Variants in LRRIQ1 observed in about 807,000 individuals in gnomAD.
The protein encoded by LRRIQ1 is leucine-rich repeat- and IQ domain-containing protein 1.
LRRIQ1 carries 210 observed loss-of-function variants against 211.9 expected under a neutral mutation model. That is an observed-to-expected ratio of 0.99 (90% confidence interval 0.89 to 1.11). The LOEUF is 1.11. Among genes scored for constraint, LRRIQ1 ranks in the 50% most tolerant of loss-of-function variants. The pLI is 0.00. For missense variants in LRRIQ1, 2,136 were observed against 1,939.5 expected, an observed-to-expected ratio of 1.10 and a Z score of -1.90; for synonymous variants, 699 against 650.1, an observed-to-expected ratio of 1.08 and a Z score of -1.14.
intron 24 of LRRIQ1, among the ~76,000 whole-genome samples, chr12:85,198,565 T>C (rs1893123965): frequency 7.7e-6 from 1 of 130,546 alleles, no homozygotes; most frequent in Admixed American, 8.1e-5. Flanking sequence ...TGGTTAGTCA[T>C]GTTAAGCATT....
intron 17 of LRRIQ1, among the ~76,000 whole-genome samples, chr12:85,126,107 G>A (rs938974617): frequency 1.3e-5 from 2 of 152,048 alleles, no homozygotes; most frequent in African/African-American, 4.8e-5. Context: ...TTAACCTGTA[G>A]TGCACCCTAC....
chr12:85,246,180 T>A (rs532980707), downstream of LRRIQ1, among the ~76,000 whole-genome samples: 1 of 151,350 alleles, frequency 6.6e-6, no homozygotes, highest in African/African-American at 2.4e-5. Context: ...GAAGTTTTCT[T>A]ACATGATTAT....
chr12:85,269,275 A>G (rs1280026093), downstream of LRRIQ1, among the ~76,000 whole-genome samples: 1 of 151,962 alleles, frequency 6.6e-6, no homozygotes, highest in Non-Finnish European at 1.5e-5. Context: ...GAAAACTGCT[A>G]CGTGATGGTT....
intron 22 of LRRIQ1, 117 bp from the exon 23 acceptor site, chr12:85,153,895 G>T: frequency 2.2e-6 from 2 of 926,162 alleles, no homozygotes; most frequent in Non-Finnish European, 1.6e-6. Flanking sequence ...TTCTTAAATG[G>T]GAATTCACAT....
chr12:85,202,062 G>C (rs1291642130), intron 24 of LRRIQ1, among the ~76,000 whole-genome samples: 1 of 152,016 alleles, frequency 6.6e-6, no homozygotes, highest in East Asian at 1.9e-4. Context: ...TCATTCAGGA[G>C]CAGGTTTCCA....
intron 26 of LRRIQ1, among the ~76,000 whole-genome samples, chr12:85,242,335 C>G (rs1895501261): frequency 6.6e-6 from 1 of 151,488 alleles, no homozygotes; most frequent in African/African-American, 2.4e-5. Context: ...AACAATACAA[C>G]AATAAAAATG....
At chr12:85,102,955 AAAAAAT>A (rs1395632822) in intron 13 of LRRIQ1, among the ~76,000 whole-genome samples, 5 of 119,410 alleles carry the variant, frequency 4.2e-5, no homozygotes, top group African/African-American at 1.4e-4. Context: ...AAAAAAAAAA[AAAAAAT>A]ATATATATAT....
At position 85,127,879 on chromosome 12, in the gene LRRIQ1, G is replaced by T. The variant is rs549621904; in HGVS notation, c.4055G>T (p.Arg1352Leu). The change falls in exon 18 of 27, where the codon CGC (arginine) becomes CTC (leucine). Residue 1352 changes from arginine to leucine, a missense_variant. By Grantham distance (102) the Arg-to-Leu change is moderately radical. Coordinates refer to ENST00000393217, the MANE Select transcript of LRRIQ1 (RefSeq NM_001079910.2). ...IQSYWRGYLMRRQTHFSTRLH... is the reference protein window; with the variant it reads ...IQSYWRGYLMLRQTHFSTRLH... Reference sequence around the variant, plus strand: ...TCATACTGGCGTGGTTACCTCATGCGCAGACAGACTCATTTCTCCACAAGG... The same window carrying T: ...TCATACTGGCGTGGTTACCTCATGCTCAGACAGACTCATTTCTCCACAAGG... 35 of 1,613,818 alleles carry T rather than the reference G, an allele frequency of 2.2e-5. No individual in the cohort carries two copies. In the South Asian group the frequency reaches 3.7e-4, roughly 17 times the overall value.
In LRRIQ1 at chr12:85,104,121, C is replaced by G. The variant is rs529729430; in HGVS notation, c.3283+44C>G. The G allele has an allele frequency of 1.9e-5, 20 of 1,032,536 alleles. No individual in the cohort carries two copies. The East Asian group carries it at 4.1e-4, about 21-fold the overall frequency. The allele number at this position is 1,032,536 out of a possible 1,614,324, so 64.0% of individuals were successfully genotyped here. ...ATATATTTTAATAATAGACTTTTGA[C>G]TTTCTGTTTCAAATATGATAAGGGG... On this transcript the variant is annotated intron_variant, in intron 14 of 26. Transcript: ENST00000393217.
Position 85,206,659 on chromosome 12 carries a change from CTG to C in LRRIQ1, c.4823-22855_4823-22854del, listed in dbSNP as rs555628052. On this transcript the variant is annotated intron_variant, in intron 24 of 26. Coordinates refer to ENST00000393217, the MANE Select transcript of LRRIQ1 (RefSeq NM_001079910.2). ...TGAGGTTGGAGAGGGTGTGGGTGGA[CTG>C]TGACTCCAGGAGAATGCCACTCTCC... Among the ~76,000 whole-genome samples, 14 of 152,066 alleles carry C rather than the reference CTG, an allele frequency of 9.2e-5. No homozygotes were observed. The East Asian group carries it at 2.5e-3, about 28-fold the overall frequency.
intron 19 of LRRIQ1, among the ~76,000 whole-genome samples, chr12:85,139,422 A>G (rs1028999487): frequency 6.6e-6 from 1 of 151,508 alleles, no homozygotes; most frequent in Non-Finnish European, 1.5e-5. Context: ...GTTGATAGGA[A>G]AATGAAATGG....
chr12:85,199,266 A>G (rs1264540032), intron 24 of LRRIQ1, among the ~76,000 whole-genome samples: 3 of 152,068 alleles, frequency 2.0e-5, no homozygotes, highest in African/African-American at 7.2e-5. Flanking sequence ...TAAGTTTCCA[A>G]TCCATCTTGA....
chr12:85,043,423 T>G (rs929966359), intron 3 of LRRIQ1, among the ~76,000 whole-genome samples: 1 of 152,048 alleles, frequency 6.6e-6, no homozygotes, highest in Non-Finnish European at 1.5e-5. Flanking sequence ...TCTCTGTGGC[T>G]TTCGCTCCTC....
intron 24 of LRRIQ1, among the ~76,000 whole-genome samples, chr12:85,214,462 A>G (rs528368713): frequency 1.3e-5 from 2 of 152,172 alleles, no homozygotes; most frequent in African/African-American, 2.4e-5. Context: ...ATAAAACTGC[A>G]TCATATAAGA....
chr12:85,088,318 T>C (rs1885042706), intron 11 of LRRIQ1, among the ~76,000 whole-genome samples: 3 of 152,330 alleles, frequency 2.0e-5, no homozygotes, highest in Admixed American at 1.3e-4. Flanking sequence ...TCTGTTTTGG[T>C]ACCAGTACCA....
At chr12:85,132,308 G>A (rs1485559355) in intron 18 of LRRIQ1, among the ~76,000 whole-genome samples, 1 of 151,946 alleles carries the variant, frequency 6.6e-6, no homozygotes, top group African/African-American at 2.4e-5. Flanking sequence ...TCAAGAGAAA[G>A]AGAGCATGTT....
At chr12:85,128,123 T>A in intron 18 of LRRIQ1, 90 bp downstream of exon 18, 1 of 974,930 alleles carries the variant, frequency 1.0e-6, no homozygotes, top group Non-Finnish European at 1.6e-6. Flanking sequence ...CCTCCAAATC[T>A]CAGTGATTAC....
intron 24 of LRRIQ1, among the ~76,000 whole-genome samples, chr12:85,177,850 C>A: frequency 6.6e-6 from 1 of 151,950 alleles, no homozygotes; most frequent in East Asian, 1.9e-4. Context: ...GGCAGTGGTT[C>A]AGCACAGAGA....
At chr12:85,126,187 G>A (rs1286958412) in intron 17 of LRRIQ1, among the ~76,000 whole-genome samples, 2 of 152,054 alleles carry the variant, frequency 1.3e-5, no homozygotes, top group Admixed American at 6.6e-5. Context: ...ATATGTTAGT[G>A]TCACTGAAGA....
Sources: allele counts gnomAD v4.1 joint callset (sites outside exome capture counted in the v4.1 genomes callset), GRCh38; gene constraint gnomAD v4.1.1; transcripts MANE v1.5; gene names NCBI Gene and HGNC (gene_info 2026-07-23, HGNC 2026-07-21).